Variants in ADAM29 observed in about 807,000 individuals in gnomAD.
The protein encoded by ADAM29 is disintegrin and metalloproteinase domain-containing protein 29.
For synonymous variants in ADAM29, 367 were observed against 342.3 expected (o/e 1.07, Z -0.80); for missense variants, 969 against 1,001.8 (o/e 0.97, Z 0.44).
intron 4 of ADAM29, among the ~76,000 whole-genome samples, chr4:174,948,220 A>C (rs1744961797): frequency 6.6e-6 from 1 of 152,180 alleles, no homozygotes; most frequent in Non-Finnish European, 1.5e-5. Flanking sequence ...AATCATCTGA[A>C]GGTAAGAAGA....
intron 2 of ADAM29, among the ~76,000 whole-genome samples, chr4:174,925,657 T>C (rs982564077): frequency 6.6e-6 from 1 of 152,298 alleles, no homozygotes; most frequent in East Asian, 1.9e-4. Context: ...TGATAACTCT[T>C]ATACTTGAGC....
chr4:174,976,185 G>A lies in ADAM29; in HGVS notation c.660G>A (p.Lys220=). The part of the protein sequence containing the change: ...LYIRYERNDS[K]LLEDLYVIVN... ...TTCGTTATGAAAGGAACGACTCAAA[G>A]TTGCTGGAGGATCTATATGTTATTG... The change falls in exon 5 of 5, where the codon AAG becomes AAA. Residue 220 remains lysine (K), a synonymous_variant. Transcript: ENST00000359240. 6.2e-7 allele frequency: 1 copy of A among 1,610,014 alleles called. No homozygotes were observed. The highest frequency in any genetic ancestry group is 8.5e-7 in the Non-Finnish European group (1 of 1,178,858).
chr4:174,937,733 T>C (rs190881641), intron 4 of ADAM29, among the ~76,000 whole-genome samples: 14 of 152,216 alleles, frequency 9.2e-5, no homozygotes, highest in African/African-American at 3.4e-4. Flanking sequence ...GAAAGCATTT[T>C]CTGAGCCTCG....
At chr4:174,961,105 C>T (rs935816620) in intron 4 of ADAM29, among the ~76,000 whole-genome samples, 1 of 152,016 alleles carries the variant, frequency 6.6e-6, no homozygotes, top group Non-Finnish European at 1.5e-5. Flanking sequence ...TGAGGTGTTT[C>T]CTGATTCCAG....
chr4:174,977,720 G>A lies in ADAM29; in HGVS notation c.2195G>A (p.Ser732Asn), dbSNP rs903553513. The change falls in exon 5 of 5, where the codon AGT becomes AAT. Residue 732 changes from serine (S) to asparagine (N), a missense_variant. Physicochemically the swap from Ser to Asn is conservative, Grantham distance 46. Transcript: ENST00000359240. ...QRRPHELPPQSQPWVMPSQSQ... is the reference protein window; with the variant it reads ...QRRPHELPPQNQPWVMPSQSQ... ...CGACCTCATGAGTTACCTCCCCAGA[G>A]TCAACCTTGGGTGATGCCTTCCCAG... The A allele has an allele frequency of 1.2e-6, 2 of 1,613,662 alleles. No homozygotes were observed. The highest frequency in any genetic ancestry group is 1.7e-6 in the Non-Finnish European group (2 of 1,179,610).
At position 174,948,324 on chromosome 4, in the gene ADAM29, T is replaced by C. The variant is rs1376591895; in HGVS notation, c.-181+11311T>C. Among the ~76,000 whole-genome samples, 3 of 152,176 alleles carry C rather than the reference T, an allele frequency of 2.0e-5. No homozygotes were observed. In the East Asian group the frequency reaches 5.8e-4, roughly 29 times the overall value. Reference sequence around the variant, plus strand: ...TCCCATCTTTGAAGTTGCTGGCCTTTGGATGGGGTATTTTGCTTTTATCTT... The same window carrying C: ...TCCCATCTTTGAAGTTGCTGGCCTTCGGATGGGGTATTTTGCTTTTATCTT... On this transcript the variant is annotated intron_variant, in intron 4 of 4. Transcript: ENST00000359240.
intron 4 of ADAM29, among the ~76,000 whole-genome samples, chr4:174,963,976 T>C (rs1746009223): frequency 6.6e-6 from 1 of 152,130 alleles, no homozygotes; most frequent in South Asian, 2.1e-4. Flanking sequence ...GCCTAGCAAA[T>C]GTTAATTTAA....
intron 4 of ADAM29, among the ~76,000 whole-genome samples, chr4:174,953,194 G>T (rs1002567882): frequency 2.6e-5 from 4 of 152,120 alleles, no homozygotes; most frequent in Non-Finnish European, 5.9e-5. Context: ...GCTGAGGCAG[G>T]AGAATGGCAT....
rs752974201 is a variant in ADAM29, at chr4:174,976,592, T to C, written c.1067T>C (p.Met356Thr). The C allele has an allele frequency of 6.2e-7, 1 of 1,605,228 alleles. No individual in the cohort carries two copies. The highest frequency in any genetic ancestry group is 8.5e-7 in the Non-Finnish European group (1 of 1,175,658). ...CGTTGTTCACAACCTAGATGCATAA[T>C]GCATGAAGGCAACCCACCAATAACT... Reference protein sequence around the residue: ...TCRCSQPRCIMHEGNPPITKF... With the variant: ...TCRCSQPRCITHEGNPPITKF... The change falls in exon 5 of 5, where the codon ATG (methionine) becomes ACG (threonine). Residue 356 changes from methionine (M) to threonine (T), a missense_variant. By Grantham distance (81) the Met-to-Thr change is moderately conservative. Transcript: ENST00000359240.
intron 4 of ADAM29, among the ~76,000 whole-genome samples, chr4:174,943,470 G>C (rs1579034711): frequency 6.6e-6 from 1 of 152,156 alleles, no homozygotes; most frequent in Non-Finnish European, 1.5e-5. Flanking sequence ...GACAACTATG[G>C]TGGAAGGCAA....
At chr4:174,932,729 T>C (rs895529807) in intron 3 of ADAM29, among the ~76,000 whole-genome samples, 2 of 152,104 alleles carry the variant, frequency 1.3e-5, no homozygotes, top group South Asian at 2.1e-4. Context: ...CCAAACTAAA[T>C]GAAAATTTTG....
chr4:174,927,012 A>G (rs1413439000), intron 2 of ADAM29, among the ~76,000 whole-genome samples: 1 of 152,240 alleles, frequency 6.6e-6, no homozygotes, highest in Admixed American at 6.5e-5. Flanking sequence ...ATACTTATCA[A>G]AGATACTCAG....
intron 4 of ADAM29, among the ~76,000 whole-genome samples, chr4:174,947,285 T>G (rs76177540): frequency 0.03 from 4,635 of 152,236 alleles, 106 homozygotes; most frequent in Non-Finnish European, 0.048. Flanking sequence ...TCTTGTCTTC[T>G]GCTAGCTTTG....
chr4:174,936,336 CA>C (rs1309493473), intron 3 of ADAM29, among the ~76,000 whole-genome samples: 1 of 151,860 alleles, frequency 6.6e-6, no homozygotes. Context: ...TTTGAAAGGT[CA>C]AAAGTTATTA....
At chr4:174,924,343 G>C (rs1193483743) in intron 2 of ADAM29, among the ~76,000 whole-genome samples, 1 of 152,158 alleles carries the variant, frequency 6.6e-6, no homozygotes, top group Non-Finnish European at 1.5e-5. Context: ...CCAATATGTG[G>C]TAAGGATGCA....
intron 4 of ADAM29, among the ~76,000 whole-genome samples, chr4:174,947,943 C>T (rs1454210754): frequency 1.3e-5 from 2 of 152,106 alleles, no homozygotes; most frequent in Non-Finnish European, 2.9e-5. Flanking sequence ...GGATTCTTTC[C>T]TCAGTTTATC....
chr4:174,964,979 G>A (rs1746065579), intron 4 of ADAM29, among the ~76,000 whole-genome samples: 1 of 152,060 alleles, frequency 6.6e-6, no homozygotes, highest in African/African-American at 2.4e-5. Flanking sequence ...AAGAGAACTG[G>A]ATTCTAGAGC....
chr4:174,938,067 G>T (rs1041192972), intron 4 of ADAM29, among the ~76,000 whole-genome samples: 1 of 152,042 alleles, frequency 6.6e-6, no homozygotes, highest in Non-Finnish European at 1.5e-5. Flanking sequence ...GAAATATTCC[G>T]ACTAGCTATA....
chr4:174,977,751 A>G lies in ADAM29; in HGVS notation c.2226A>G (p.Gln742=). 1.2e-6 allele frequency: 2 copies of G among 1,603,822 alleles called. No homozygotes were observed. Among genetic ancestry groups the G allele is most frequent in the East Asian group, 4.5e-5 (2 of 44,852 alleles). Residue 742 remains glutamine, a synonymous_variant, in exon 5 of 5, where the codon CAA becomes CAG. Coordinates refer to ENST00000359240, the MANE Select transcript of ADAM29 (RefSeq NM_014269.4). Reference sequence around the variant, plus strand: ...CTTGGGTGATGCCTTCCCAGAGTCAACCTCCTGTGACGCCTTCCCAGAGTC... The same window carrying G: ...CTTGGGTGATGCCTTCCCAGAGTCAGCCTCCTGTGACGCCTTCCCAGAGTC... The part of the protein sequence containing the change: ...SQPWVMPSQS[Q]PPVTPSQSHP...
Sources: allele counts gnomAD v4.1 joint callset (sites outside exome capture counted in the v4.1 genomes callset), GRCh38; gene constraint gnomAD v4.1.1; transcripts MANE v1.5; gene names NCBI Gene and HGNC (gene_info 2026-07-23, HGNC 2026-07-21).